The following NLRP1 variants were observed in gnomAD, a reference collection of about 807,000 sequenced individuals.
NLRP1 encodes the protein NLR family pyrin domain containing 1.
A neutral mutation model predicts 136.7 loss-of-function variants in NLRP1; 94 were observed. The ratio of observed to expected loss-of-function variants is 0.69; its 90% CI spans 0.58 to 0.82. NLRP1 has a LOEUF of 0.82. Among genes scored for constraint, NLRP1 ranks in the 40% least tolerant of loss-of-function variants. The probability of loss-of-function intolerance (pLI) is 0.00; values close to 1 mark genes in which losing one functional copy is unlikely to be tolerated. For missense variants in NLRP1, 1,575 were observed against 1,802.7 expected (o/e 0.87, Z 2.29); for synonymous variants, 690 against 725.1 (o/e 0.95, Z 0.78).
rs1273599882 is a variant in NLRP1 at position 5,537,619 on chromosome 17, T to C, written c.2871-679A>G. On this transcript the variant is annotated intron_variant, in intron 7 of 16. Transcript: ENST00000572272. This position sits in a 1 kb window ranked among gnomAD's most constrained non-coding sequence, Gnocchi z 4.5. ...ACAAGGAGGCGGTGAAAAGACCCTG[T>C]CTTCTGCGAAGGGCTCTGCATTCAT... 6.6e-6 allele frequency among the ~76,000 whole-genome samples: 1 copy of C among 152,202 alleles called. No homozygotes were observed. The highest frequency in any genetic ancestry group is 1.5e-5 in the Non-Finnish European group (1 of 68,032).
intron 12 of NLRP1, 113 bp from the exon 13 acceptor site, chr17:5,521,899 A>G (rs1908957754): frequency 4.7e-6 from 5 of 1,066,952 alleles, no homozygotes; most frequent in South Asian, 1.8e-5. Flanking sequence ...ATCTCGGCTC[A>G]CTGCAACCTC....
intron 8 of NLRP1, among the ~76,000 whole-genome samples, chr17:5,536,625 G>C (rs1051182279): frequency 3.3e-5 from 5 of 151,846 alleles, no homozygotes; most frequent in Admixed American, 1.3e-4. Flanking sequence ...TAATTTTTTA[G>C]CCCACTTACT....
rs752637022 is a variant in NLRP1, at chr17:5,558,944, G to C, written c.1752C>G (p.Thr584=). The stretch of plus-strand genomic sequence containing the variant: ...TCCTGAGGTCATCTGGACTGAAAAG[G>C]GTCTTTTTTTGCCAGATGCCCTCAG... ...LAAEGIWQKK[T]LFSPDDLRKH... The change falls in exon 4 of 17, where the codon ACC becomes ACG. Residue 584 remains threonine, a synonymous_variant. Coordinates refer to ENST00000572272, the MANE Select transcript of NLRP1 (RefSeq NM_033004.4). The C allele has an allele frequency of 2.0e-5, 32 of 1,614,032 alleles. No homozygotes were observed. The highest frequency in any genetic ancestry group is 2.3e-5 in the Non-Finnish European group (27 of 1,180,026).
In NLRP1 at chr17:5,558,631, T is replaced by C; in HGVS notation, c.2065A>G (p.Ile689Val). The change falls in exon 4 of 17, where the codon ATC becomes GTC. Residue 689 changes from isoleucine to valine, a missense_variant. Coordinates refer to ENST00000572272, the MANE Select transcript of NLRP1 (RefSeq NM_033004.4). ...CCCTGAGACAGCCGGCAGTGAAAGA[T>C]GTTCTCCATCTCTCTCTCCCCCTCA... ...SDEGEREMEN[I>V]FHCRLSQGRN... 1 of 1,614,064 alleles carries C rather than the reference T, an allele frequency of 6.2e-7. No homozygotes were observed. The highest frequency in any genetic ancestry group is 8.5e-7 in the Non-Finnish European group (1 of 1,179,986).
rs751025986 is a variant in NLRP1 at position 5,559,136 on chromosome 17, G to A, written c.1560C>T (p.Pro520=). 9.9e-6 allele frequency: 16 copies of A among 1,614,048 alleles called. No homozygotes were observed. The East Asian group carries it at 1.8e-4, about 18-fold the overall frequency. Residue 520 remains proline, a synonymous_variant, in exon 4 of 17, where the codon CCC becomes CCT. Transcript: ENST00000572272. The part of the protein sequence containing the change: ...NKELWALCLV[P]WVSWLACTCL... ...AAGTGCAGGCCAGCCAGGACACCCA[G>A]GGCACAAGACACAGGGCCCAGAGCT...
chr17:5,511,757 TTTTC>T (rs767700226), downstream of NLRP1, among the ~76,000 whole-genome samples: 123 of 148,030 alleles, frequency 8.3e-4, no homozygotes, highest in African/African-American at 1.6e-3. Flanking sequence ...TCTCTTTTCT[TTTTC>T]TTTCTCTTTC....
At chr17:5,560,185 A>C (rs1013237981) in intron 3 of NLRP1, 142 bp from the exon 4 acceptor site, 2 of 763,368 alleles carry the variant, frequency 2.6e-6, no homozygotes, top group African/African-American at 3.5e-5. Context: ...CATGCGGCGG[A>C]AGGACATGTG....
At chr17:5,530,448 C>G (rs748841071) in intron 12 of NLRP1, 33 bp downstream of exon 12, 1 of 1,584,644 alleles carries the variant, frequency 6.3e-7, no homozygotes, top group East Asian at 2.2e-5. Context: ...ATAATTACCA[C>G]CACCTTCCTC....
At chr17:5,529,463 G>A (rs1448096074) in intron 12 of NLRP1, among the ~76,000 whole-genome samples, 1 of 151,682 alleles carries the variant, frequency 6.6e-6, no homozygotes, top group Non-Finnish European at 1.5e-5. Flanking sequence ...CACCTCCTGG[G>A]TTCACGCCAT....
At chr17:5,560,216 G>A (rs530278992) in intron 3 of NLRP1, among the ~76,000 whole-genome samples, 173 bp from the exon 4 acceptor site, 5 of 152,240 alleles carry the variant, frequency 3.3e-5, no homozygotes, top group Non-Finnish European at 5.9e-5. Flanking sequence ...GAATATCCCA[G>A]TTCAAGTCTT....
At chr17:5,506,219 G>C (rs755860062) in intron 15 of NLRP1, among the ~76,000 whole-genome samples, 1 of 151,590 alleles carries the variant, frequency 6.6e-6, no homozygotes, top group African/African-American at 2.4e-5. Context: ...AAGAGGTGGA[G>C]GTTGCAGTGA....
At chr17:5,574,743 G>C (rs575918327) in intron 3 of NLRP1, among the ~76,000 whole-genome samples, 94 of 149,654 alleles carry the variant, frequency 6.3e-4, no homozygotes, top group Admixed American at 1.6e-3. Context: ...CTCACTGCAA[G>C]CTCCGCCTCC....
intron 5 of NLRP1, among the ~76,000 whole-genome samples, chr17:5,543,832 A>G (rs34456674): frequency 0.047 from 7,165 of 152,076 alleles, 193 homozygotes; most frequent in Middle Eastern, 0.085. Context: ...TCAAGGTTGG[A>G]TTCAGAGTAG....
intron 12 of NLRP1, among the ~76,000 whole-genome samples, chr17:5,529,465 T>C (rs12948705): frequency 0.056 from 8,572 of 151,914 alleles, 281 homozygotes; most frequent in Middle Eastern, 0.099. Flanking sequence ...CCTCCTGGGT[T>C]CACGCCATTC....
At chr17:5,574,660 CTT>C (rs1169415443) in intron 3 of NLRP1, among the ~76,000 whole-genome samples, 2,195 of 134,318 alleles carry the variant, frequency 0.016, 44 homozygotes, top group African/African-American at 0.056. Flanking sequence ...ATTCAACATT[CTT>C]TTTTTTTTTT....
rs1914382655 is a variant in NLRP1 at position 5,558,621 on chromosome 17, C to T, written c.2075G>A (p.Cys692Tyr). The T allele has an allele frequency of 1.2e-6, 2 of 1,614,078 alleles. No homozygotes were observed. Among genetic ancestry groups the T allele is most frequent in the African/African-American group, 2.7e-5 (2 of 75,010 alleles). ...GEREMENIFH[C>Y]RLSQGRNLMQ... is the part of the protein sequence containing the mutation. ...CAGGTTCCTCCCCTGAGACAGCCGG[C>T]AGTGAAAGATGTTCTCCATCTCTCT... Residue 692 changes from cysteine (C) to tyrosine (Y), a missense_variant, in exon 4 of 17, where the codon TGC becomes TAC. Transcript: ENST00000572272.
At chr17:5,575,530 C>A (rs1904925738) in intron 3 of NLRP1, among the ~76,000 whole-genome samples, 1 of 152,072 alleles carries the variant, frequency 6.6e-6, no homozygotes, top group African/African-American at 2.4e-5. Context: ...ACAAAGAAGG[C>A]CATTACATAA....
intron 3 of NLRP1, among the ~76,000 whole-genome samples, chr17:5,580,374 C>T (rs1597489298): frequency 6.6e-6 from 1 of 152,160 alleles, no homozygotes; most frequent in Non-Finnish European, 1.5e-5. Flanking sequence ...TGACACATAA[C>T]TTACCTATAT....
At chr17:5,550,011 T>C (rs1250436425) in intron 5 of NLRP1, among the ~76,000 whole-genome samples, 3 of 152,234 alleles carry the variant, frequency 2.0e-5, no homozygotes, top group Non-Finnish European at 4.4e-5. Context: ...TCAATTATCC[T>C]AGGTTAAACC....
Sources: allele counts gnomAD v4.1 joint callset (sites outside exome capture counted in the v4.1 genomes callset), GRCh38; gene constraint gnomAD v4.1.1; non-coding constraint Gnocchi (gnomAD v3.1); transcripts MANE v1.5; gene names NCBI Gene and HGNC (gene_info 2026-07-23, HGNC 2026-07-21).